ELL: variants seen among roughly 807,000 people sequenced by gnomAD.
ELL encodes the protein elongation factor for RNA polymerase II.
Under a neutral mutation model 64.0 loss-of-function variants are expected in ELL, and 18 were observed. The observed-to-expected ratio is 0.28, with a 90% CI of 0.19 to 0.42. The LOEUF (loss-of-function observed/expected upper bound fraction) is 0.42, where lower values mean the gene tolerates loss of function less well. Among genes scored for constraint, ELL ranks in the 10% least tolerant of loss-of-function variants. The probability of loss-of-function intolerance (pLI) is 1.00; values close to 1 mark genes in which losing one functional copy is unlikely to be tolerated. For synonymous variants in ELL, 399 were observed against 376.2 expected (o/e 1.06, Z -0.70); for missense variants, 797 against 870.4 (o/e 0.92, Z 1.06).
intron 5 of ELL, among the ~76,000 whole-genome samples, chr19:18,460,505 A>C (rs1974783167): frequency 6.6e-6 from 1 of 152,092 alleles, no homozygotes; most frequent in South Asian, 2.1e-4. Flanking sequence ...GACTCCATCG[A>C]GCTCCCTTCA....
At chr19:18,474,067 CATGGG>C (rs1442559261) in intron 1 of ELL, among the ~76,000 whole-genome samples, 1 of 152,232 alleles carries the variant, frequency 6.6e-6, no homozygotes, top group African/African-American at 2.4e-5. Context: ...ACACCTACCC[CATGGG>C]TCAGCCCAGG....
intron 6 of ELL, among the ~76,000 whole-genome samples, chr19:18,453,384 TAAC>T (rs1974582576): frequency 6.6e-6 from 1 of 152,140 alleles, no homozygotes; most frequent in Non-Finnish European, 1.5e-5. Context: ...TAAAAGCACA[TAAC>T]AAGATGCTCA....
chr19:18,469,316 T>TG (rs1975014217), intron 2 of ELL, among the ~76,000 whole-genome samples: 1 of 152,222 alleles, frequency 6.6e-6, no homozygotes, highest in African/African-American at 2.4e-5. Context: ...TGGAGCCCTC[T>TG]GATTAACGGG....
chr19:18,477,360 G>A (rs1469266164), intron 1 of ELL, among the ~76,000 whole-genome samples: 1 of 152,190 alleles, frequency 6.6e-6, no homozygotes, highest in East Asian at 1.9e-4. Context: ...ACCTGCGGAC[G>A]ACAGCAGGGG....
At chr19:18,509,582 T>TGCGCGCGCGC (rs138250487) in intron 1 of ELL, among the ~76,000 whole-genome samples, 70 of 95,542 alleles carry the variant, frequency 7.3e-4, no homozygotes, top group South Asian at 1.8e-3. Context: ...CCAATGCACG[T>TGCGCGCGCGC]GCGCGCGCGC....
intron 5 of ELL, among the ~76,000 whole-genome samples, chr19:18,460,886 G>C (rs1478339890): frequency 2.0e-5 from 3 of 152,170 alleles, no homozygotes; most frequent in Non-Finnish European, 4.4e-5. Flanking sequence ...TGCATAGCCT[G>C]GCTAATGTTC....
chr19:18,477,598 C>G (rs898332671), intron 1 of ELL, among the ~76,000 whole-genome samples: 1 of 152,166 alleles, frequency 6.6e-6, no homozygotes, highest in Non-Finnish European at 1.5e-5. Flanking sequence ...GAGCCAGCCC[C>G]GACACTGGGA....
intron 6 of ELL, among the ~76,000 whole-genome samples, chr19:18,455,966 G>A (rs1485397009): frequency 2.6e-5 from 4 of 151,884 alleles, no homozygotes; most frequent in Non-Finnish European, 4.4e-5. Flanking sequence ...GGCATGGTGC[G>A]CATGCCTGTA....
chr19:18,474,619 T>C (rs1180884383), intron 1 of ELL, among the ~76,000 whole-genome samples: 1 of 152,206 alleles, frequency 6.6e-6, no homozygotes, highest in Non-Finnish European at 1.5e-5. Flanking sequence ...CCCACTCCCT[T>C]GTCCTGTTCC....
intron 1 of ELL, among the ~76,000 whole-genome samples, chr19:18,502,842 C>T (rs185883870): frequency 2.6e-5 from 4 of 152,318 alleles, no homozygotes; most frequent in East Asian, 1.9e-4. Flanking sequence ...GCCATCAATG[C>T]GGAATCCAAA....
At chr19:18,515,354 A>T (rs1358147327) in intron 1 of ELL, among the ~76,000 whole-genome samples, 1 of 152,174 alleles carries the variant, frequency 6.6e-6, no homozygotes, top group Non-Finnish European at 1.5e-5. Flanking sequence ...CTGGCAGCCC[A>T]CCTGTTCCAC....
chr19:18,473,580 G>A (rs1468439586), intron 1 of ELL, among the ~76,000 whole-genome samples: 1 of 152,154 alleles, frequency 6.6e-6, no homozygotes, highest in East Asian at 1.9e-4. Flanking sequence ...GAATTTCCAA[G>A]GAAAAAATAT....
At chr19:18,468,408 C>A (rs2144924845) in intron 2 of ELL, among the ~76,000 whole-genome samples, 1 of 152,332 alleles carries the variant, frequency 6.6e-6, no homozygotes, top group African/African-American at 2.4e-5. Flanking sequence ...TGCCACCCTG[C>A]CCTGCCTGCA....
intron 6 of ELL, among the ~76,000 whole-genome samples, chr19:18,455,862 G>A (rs1006692816): frequency 2.0e-5 from 3 of 152,210 alleles, no homozygotes; most frequent in Non-Finnish European, 4.4e-5. Context: ...ACTTTGGGAG[G>A]CTGAGGTGGG....
intron 2 of ELL, among the ~76,000 whole-genome samples, chr19:18,468,330 G>A (rs1974996204): frequency 6.6e-6 from 1 of 152,176 alleles, no homozygotes; most frequent in African/African-American, 2.4e-5. Context: ...CCATGTGGGT[G>A]ACCCTGGCCA....
intron 1 of ELL, among the ~76,000 whole-genome samples, chr19:18,512,364 G>A (rs1976043195): frequency 2.0e-5 from 3 of 151,428 alleles, no homozygotes; most frequent in Admixed American, 6.6e-5. Flanking sequence ...CAGGCCAGGT[G>A]CGGTGACTCA....
At chr19:18,491,400 A>C (rs1365839311) in intron 1 of ELL, among the ~76,000 whole-genome samples, 1 of 150,966 alleles carries the variant, frequency 6.6e-6, no homozygotes, top group African/African-American at 2.4e-5. Flanking sequence ...GGTGTGAGTC[A>C]CTCTGCCAGG....
intron 8 of ELL, 38 bp from the exon 9 acceptor site, chr19:18,446,852 A>G (rs928999041): frequency 1.2e-6 from 2 of 1,611,440 alleles, no homozygotes; most frequent in Non-Finnish European, 1.7e-6. Flanking sequence ...GTCTGCGCCC[A>G]TGGCACCGGT....
chr19:18,501,066 C>A lies in ELL; in HGVS notation c.135+20855G>T, dbSNP rs1439145283. ...CTCACAGCAGGAGAGGCAATGCCGTCCCATCCCAAGCATGTGGGCGCACAC... is the reference window on the plus strand; with the variant it reads ...CTCACAGCAGGAGAGGCAATGCCGTACCATCCCAAGCATGTGGGCGCACAC... On this transcript the variant is annotated intron_variant, in intron 1 of 11. Transcript: ENST00000262809. The surrounding 1 kb of genome is among the most constrained non-coding windows in gnomAD (Gnocchi z 4.5). Among the ~76,000 whole-genome samples, 1 of 152,086 alleles carries A rather than the reference C, an allele frequency of 6.6e-6. No individual in the cohort carries two copies. The highest frequency in any genetic ancestry group is 1.5e-5 in the Non-Finnish European group (1 of 68,022).
Sources: allele counts gnomAD v4.1 joint callset (sites outside exome capture counted in the v4.1 genomes callset), GRCh38; gene constraint gnomAD v4.1.1; non-coding constraint Gnocchi (gnomAD v3.1); transcripts MANE v1.5; gene names NCBI Gene and HGNC (gene_info 2026-07-23, HGNC 2026-07-21).